The following UBE2V1 variants were observed in gnomAD, a reference collection of about 807,000 sequenced individuals.
UBE2V1 encodes the protein ubiquitin-conjugating enzyme E2 variant 1.
A neutral mutation model predicts 19.6 loss-of-function variants in UBE2V1; 15 were observed. That is an observed-to-expected ratio of 0.77 (90% CI 0.51 to 1.18). UBE2V1 has a LOEUF of 1.18. UBE2V1 is among the 50% of genes most tolerant of loss of function. UBE2V1 has a pLI of 0.00. For missense variants in UBE2V1, 125 were observed against 184.8 expected (o/e 0.68, Z 1.88); for synonymous variants, 60 against 60.7 (o/e 0.99, Z 0.05).
At chr20:50,099,878 T>C (rs2079873917) in intron 1 of UBE2V1, among the ~76,000 whole-genome samples, 1 of 152,004 alleles carries the variant, frequency 6.6e-6, no homozygotes, top group Admixed American at 6.6e-5. Flanking sequence ...AAGACAATCG[T>C]CTGAGGCCAG....
At chr20:50,112,268 G>A (rs999747244) in intron 1 of UBE2V1, among the ~76,000 whole-genome samples, 23 of 152,082 alleles carry the variant, frequency 1.5e-4, no homozygotes, top group Admixed American at 3.9e-4. Context: ...AGACATCCTC[G>A]GGGCTCCCAA....
intron 2 of UBE2V1, 156 bp from the exon 3 acceptor site, chr20:50,084,410 T>C (rs67366514): frequency 0.24 from 324,754 of 1,330,134 alleles, 41,038 homozygotes; most frequent in Admixed American, 0.37. Flanking sequence ...AGTTCTATAC[T>C]AGTTCCTACA....
upstream of UBE2V1, chr20:50,113,155 G>C: frequency 7.5e-7 from 1 of 1,326,028 alleles, no homozygotes; most frequent in Non-Finnish European, 9.8e-7. Context: ...TTGAAGGCCG[G>C]CCCCTTCTTC....
chr20:50,090,020 C>T (rs566800095), intron 2 of UBE2V1, among the ~76,000 whole-genome samples: 63 of 152,312 alleles, frequency 4.1e-4, no homozygotes, highest in Middle Eastern at 3.4e-3. Flanking sequence ...AGAGGGGGCA[C>T]CTTTTCCCCA....
At chr20:50,111,282 C>T (rs1569025499) in intron 1 of UBE2V1, 1 of 987,356 alleles carries the variant, frequency 1.0e-6, no homozygotes, top group Non-Finnish European at 1.2e-6. Context: ...ATTTATGAAG[C>T]ACTCACTTTT....
intron 1 of UBE2V1, among the ~76,000 whole-genome samples, chr20:50,112,511 C>A (rs897500703): frequency 6.6e-6 from 1 of 152,170 alleles, no homozygotes; most frequent in Non-Finnish European, 1.5e-5. Context: ...GCAGCTGCTC[C>A]AAGGCTCCTC....
intron 1 of UBE2V1, among the ~76,000 whole-genome samples, chr20:50,106,874 C>A (rs58242347): frequency 0.33 from 40,430 of 122,460 alleles, 7,045 homozygotes; most frequent in Non-Finnish European, 0.39. Flanking sequence ...ACAACAACAA[C>A]AAAAAAAAAA....
chr20:50,097,135 G>T (rs1325968207), intron 1 of UBE2V1, among the ~76,000 whole-genome samples: 3 of 152,140 alleles, frequency 2.0e-5, no homozygotes, highest in Admixed American at 6.5e-5. Context: ...ATGAATTGGG[G>T]TCAACTAGTA....
In UBE2V1 at chr20:50,082,545, C is replaced by T. The variant is rs1555873744; in HGVS notation, c.*223G>A. 1.3e-6 allele frequency: 1 copy of T among 775,890 alleles called. No homozygotes were observed. Among genetic ancestry groups the T allele is most frequent in the Non-Finnish European group, 1.9e-6 (1 of 527,850 alleles). The allele number at this position is 775,890 out of a possible 1,614,324, so 48.1% of individuals were successfully genotyped here. A position where few individuals can be genotyped will look rare whatever the true frequency, so the allele number is the denominator to read the frequency against. On this transcript the variant is annotated 3_prime_UTR_variant, in exon 4 of 4. Transcript: ENST00000371674. ...AGTTCAACTACGTGGACAGTGGTTA[C>T]ACTTGACAGGATGATTTGTTATAGC...
intron 3 of UBE2V1, among the ~76,000 whole-genome samples, chr20:50,083,562 A>G (rs984825406): frequency 7.2e-5 from 11 of 152,216 alleles, no homozygotes; most frequent in African/African-American, 2.7e-4. Context: ...CATCCCTTCA[A>G]CACTTGCTGA....
rs369354840 is a variant in UBE2V1, at chr20:50,085,639, T to C, written c.172-1385A>G. ...AATTGCTCCCGTGTAAACAGCGGCA[T>C]CTAGTGGTCTTTGGGGAGAATAAAT... is the stretch of plus-strand genomic sequence containing the variant. On this transcript the variant is annotated intron_variant, in intron 2 of 3. Coordinates refer to ENST00000371674, the MANE Select transcript of UBE2V1 (RefSeq NM_001032288.3). Among the ~76,000 whole-genome samples, 11 of 152,286 alleles carry C rather than the reference T, an allele frequency of 7.2e-5. No individual in the cohort carries two copies. The East Asian group carries it at 2.1e-3, about 29-fold the overall frequency.
chr20:50,100,087 G>C (rs2079887306), intron 1 of UBE2V1, among the ~76,000 whole-genome samples: 1 of 152,056 alleles, frequency 6.6e-6, no homozygotes, highest in South Asian at 2.1e-4. Flanking sequence ...GACAGAGTGA[G>C]ACCCTGTCTC....
At chr20:50,104,150 T>C (rs6020266) in intron 1 of UBE2V1, among the ~76,000 whole-genome samples, 49,168 of 148,368 alleles carry the variant, frequency 0.33, 8,803 homozygotes, top group African/African-American at 0.5. Flanking sequence ...GGCGTGGTGG[T>C]GCGCGCCTGT....
upstream of UBE2V1, among the ~76,000 whole-genome samples, chr20:50,113,787 ATTCATTCG>A (rs917230816): frequency 2.6e-5 from 3 of 113,300 alleles, no homozygotes; most frequent in African/African-American, 4.7e-5. Context: ...TCATTCATTC[ATTCATTCG>A]TTCATTCATT....
At chr20:50,100,388 T>G (rs1045554697) in intron 1 of UBE2V1, among the ~76,000 whole-genome samples, 1 of 150,352 alleles carries the variant, frequency 6.7e-6, no homozygotes, top group Non-Finnish European at 1.5e-5. Flanking sequence ...GAGTTCAAGA[T>G]CAGCCTGGCT....
upstream of UBE2V1, chr20:50,115,521 C>T: frequency 6.3e-7 from 1 of 1,596,168 alleles, no homozygotes; most frequent in Non-Finnish European, 8.6e-7. Context: ...AGTCTTCCTT[C>T]ATCACTCAGT....
chr20:50,113,268 G>T (rs2080901728), upstream of UBE2V1: 2 of 607,774 alleles, frequency 3.3e-6, no homozygotes, highest in Non-Finnish European at 2.4e-6. Flanking sequence ...CCCGTGGCCT[G>T]GAAGGCTCTT....
rs1018084315 is a variant in UBE2V1 at position 50,082,407 on chromosome 20, G to A, written c.*361C>T. ...GTAAGGGGAGAAGGCAGAGACCCCAGGCCGTGTAATCAGCAGCAAGGTGAT... is the reference window on the plus strand; with the variant it reads ...GTAAGGGGAGAAGGCAGAGACCCCAAGCCGTGTAATCAGCAGCAAGGTGAT... On this transcript the variant is annotated 3_prime_UTR_variant, in exon 4 of 4. Transcript: ENST00000371674. 20 of 224,558 alleles carry A rather than the reference G, an allele frequency of 8.9e-5. No individual in the cohort carries two copies. Among genetic ancestry groups the A allele is most frequent in the Non-Finnish European group, 1.5e-4 (17 of 112,362 alleles). 13.9% of individuals were successfully genotyped at this position (224,558 alleles called of 1,614,324 possible). A position where few individuals can be genotyped will look rare whatever the true frequency, so the allele number is the denominator to read the frequency against.
intron 1 of UBE2V1, among the ~76,000 whole-genome samples, chr20:50,109,300 T>A (rs2080591031): frequency 6.6e-6 from 1 of 152,164 alleles, no homozygotes. Context: ...ATTCTACTTT[T>A]ACCAAATTAC....
Sources: allele counts gnomAD v4.1 joint callset (sites outside exome capture counted in the v4.1 genomes callset), GRCh38; gene constraint gnomAD v4.1.1; transcripts MANE v1.5; gene names NCBI Gene and HGNC (gene_info 2026-07-23, HGNC 2026-07-21).